The following SLC24A2 variants were observed in gnomAD, a reference collection of about 807,000 sequenced individuals.
SLC24A2 encodes the protein sodium/potassium/calcium exchanger 2.
In SLC24A2, 36 loss-of-function variants were observed where a neutral mutation model predicts 62.0. The observed-to-expected ratio is 0.58, with a 90% CI of 0.44 to 0.77. SLC24A2 has a LOEUF of 0.77. Among genes scored for constraint, SLC24A2 ranks in the 30% least tolerant of loss-of-function variants. The pLI, the probability that SLC24A2 is intolerant of heterozygous loss-of-function variation, is 0.00. For missense variants in SLC24A2, 846 were observed against 817.9 expected, an observed-to-expected ratio of 1.03 and a Z score of -0.42; for synonymous variants, 358 against 294.0, an observed-to-expected ratio of 1.22 and a Z score of -2.23.
At chr9:19,805,310 A>T in the SLC24A2 span, among the ~76,000 whole-genome samples, 3 of 152,192 alleles carry the variant, frequency 2.0e-5, no homozygotes, top group African/African-American at 7.2e-5. Context: ...ACAATACCAT[A>T]AACAGACATT....
the SLC24A2 span, among the ~76,000 whole-genome samples, chr9:19,977,147 G>GTGTGTA: frequency 6.6e-6 from 1 of 151,406 alleles, no homozygotes. Context: ...GTGTGTGTGT[G>GTGTGTA]TATGAGAGAC....
At chr9:20,034,498 C>T in the SLC24A2 span, among the ~76,000 whole-genome samples, 2 of 123,848 alleles carry the variant, frequency 1.6e-5, no homozygotes, top group Non-Finnish European at 3.2e-5. Flanking sequence ...CTCTCTCTGT[C>T]GCCCAGGCTG....
intron 2 of SLC24A2, among the ~76,000 whole-genome samples, chr9:19,719,263 C>A (rs921251747): frequency 6.6e-6 from 1 of 152,162 alleles, no homozygotes; most frequent in Non-Finnish European, 1.5e-5. Flanking sequence ...GGACTTATTA[C>A]AACACTCTTG....
chr9:19,644,101 T>G (rs148388344), intron 2 of SLC24A2, among the ~76,000 whole-genome samples: 2 of 152,342 alleles, frequency 1.3e-5, no homozygotes, highest in African/African-American at 2.4e-5. Flanking sequence ...TATAGCTTAG[T>G]GAGTAATAGC....
intron 2 of SLC24A2, among the ~76,000 whole-genome samples, chr9:19,740,693 G>A (rs1821648027): frequency 1.3e-5 from 2 of 152,166 alleles, no homozygotes; most frequent in African/African-American, 4.8e-5. Context: ...ATTTATGAAT[G>A]AAATTATATA....
the SLC24A2 span, among the ~76,000 whole-genome samples, chr9:20,009,874 G>A: frequency 6.6e-6 from 1 of 152,128 alleles, no homozygotes; most frequent in African/African-American, 2.4e-5. Flanking sequence ...ACACATATCT[G>A]TGGAGCAGAG....
chr9:20,157,502 A>G, the SLC24A2 span, among the ~76,000 whole-genome samples: 1 of 151,722 alleles, frequency 6.6e-6, no homozygotes, highest in Admixed American at 6.6e-5. Context: ...AAAAGTCAAC[A>G]TTAATTGCTA....
In SLC24A2 at chr9:19,508,191, G is replaced by T. The variant is rs900934166; in HGVS notation, c.*7962C>A. 1 of 152,148 alleles carries T rather than the reference G, an allele frequency of 6.6e-6. No individual in the cohort carries two copies. The highest frequency in any genetic ancestry group is 1.5e-5 in the Non-Finnish European group (1 of 68,016). 9.4% of individuals were successfully genotyped at this position (152,148 alleles called of 1,614,324 possible). A position where few individuals can be genotyped will look rare whatever the true frequency, so the allele number is the denominator to read the frequency against. On this transcript the variant is annotated 3_prime_UTR_variant, in exon 11 of 11. Transcript: ENST00000341998. ...AGCAGAAGAAATATCAAGGCTAGATGCAGGGTATATATGTGTACTTTGTGT... is the reference window on the plus strand; with the variant it reads ...AGCAGAAGAAATATCAAGGCTAGATTCAGGGTATATATGTGTACTTTGTGT...
At chr9:19,940,264 CAG>C in the SLC24A2 span, among the ~76,000 whole-genome samples, 22 of 152,218 alleles carry the variant, frequency 1.4e-4, no homozygotes, top group East Asian at 1.9e-4. Context: ...ATAATCCAAA[CAG>C]GGGAACAGAA....
intron 2 of SLC24A2, among the ~76,000 whole-genome samples, chr9:19,630,928 T>C (rs1818161356): frequency 6.6e-6 from 1 of 152,190 alleles, no homozygotes; most frequent in Non-Finnish European, 1.5e-5. Context: ...AACTCATTCA[T>C]GTCACGAAGA....
the SLC24A2 span, among the ~76,000 whole-genome samples, chr9:20,202,597 G>A: frequency 2.0e-5 from 3 of 152,124 alleles, no homozygotes; most frequent in South Asian, 6.2e-4. Context: ...GACAAAAGAA[G>A]ACACTGTAAA....
At chr9:20,068,683 A>G in the SLC24A2 span, among the ~76,000 whole-genome samples, 1 of 152,242 alleles carries the variant, frequency 6.6e-6, no homozygotes, top group Middle Eastern at 3.4e-3. Context: ...GTGCTGGATG[A>G]TGTCTCCGTG....
At chr9:20,119,514 C>T in the SLC24A2 span, among the ~76,000 whole-genome samples, 1 of 152,042 alleles carries the variant, frequency 6.6e-6, no homozygotes, top group Non-Finnish European at 1.5e-5. Flanking sequence ...AAGTCATAAT[C>T]ATCTCAATAC....
At chr9:20,142,443 TTAAA>T in the SLC24A2 span, among the ~76,000 whole-genome samples, 1 of 147,300 alleles carries the variant, frequency 6.8e-6, no homozygotes, top group Non-Finnish European at 1.5e-5. Context: ...GCAAGGTCAC[TTAAA>T]TATTTTTGTT....
chr9:20,215,883 A>C, the SLC24A2 span, among the ~76,000 whole-genome samples: 2 of 152,284 alleles, frequency 1.3e-5, no homozygotes, highest in Middle Eastern at 6.8e-3. Context: ...ACCCAGAGAG[A>C]AAGCATGCAA....
At chr9:19,955,368 A>G in the SLC24A2 span, among the ~76,000 whole-genome samples, 1 of 146,454 alleles carries the variant, frequency 6.8e-6, no homozygotes, top group Non-Finnish European at 1.5e-5. Context: ...TATGAGTAGA[A>G]ATTCTCAGGT....
At chr9:19,831,571 CAT>C in the SLC24A2 span, among the ~76,000 whole-genome samples, 2 of 152,152 alleles carry the variant, frequency 1.3e-5, no homozygotes, top group Non-Finnish European at 2.9e-5. Context: ...CTACAAATAT[CAT>C]AAGATTCTCG....
chr9:19,530,300 C>T (rs1159142698), intron 8 of SLC24A2, among the ~76,000 whole-genome samples: 6 of 152,012 alleles, frequency 3.9e-5, no homozygotes, highest in Admixed American at 1.3e-4. Flanking sequence ...CCTCTTGCCA[C>T]GTGGGGTCAC....
At chr9:19,620,926 C>T (rs1281924956) in intron 3 of SLC24A2, among the ~76,000 whole-genome samples, 2 of 152,176 alleles carry the variant, frequency 1.3e-5, no homozygotes, top group African/African-American at 4.8e-5. Context: ...TCCAGACCCA[C>T]AAGGGGGCTT....
Sources: gnomAD v4.1 joint callset for allele counts (sites outside exome capture counted in the v4.1 genomes callset) on GRCh38, gnomAD v4.1.1 for gene constraint, MANE v1.5 for transcripts, NCBI Gene and HGNC (gene_info 2026-07-23, HGNC 2026-07-21) for gene names.